Variants in SH3PXD2B observed in about 807,000 individuals in gnomAD.
The protein encoded by SH3PXD2B is SH3 and PX domains 2B.
SH3PXD2B carries 37 observed loss-of-function variants against 73.1 expected under a neutral mutation model. The observed-to-expected ratio is 0.51, with a 90% CI of 0.39 to 0.67. The LOEUF is 0.67. SH3PXD2B is among the 30% of genes least tolerant of loss of function. The pLI is 0.00. For synonymous variants in SH3PXD2B, 457 were observed against 480.5 expected, an observed-to-expected ratio of 0.95 and a Z score of 0.64; for missense variants, 1,053 against 1,197.8, an observed-to-expected ratio of 0.88 and a Z score of 1.78.
intron 8 of SH3PXD2B, among the ~76,000 whole-genome samples, chr5:172,358,145 G>C (rs1294405619): frequency 6.6e-6 from 1 of 152,230 alleles, no homozygotes; most frequent in Non-Finnish European, 1.5e-5. Context: ...TTAAAATTCA[G>C]GTGTGTCTGA....
In SH3PXD2B at chr5:172,418,803, C is replaced by T. The variant is rs186185211; in HGVS notation, c.156+3613G>A. Among the ~76,000 whole-genome samples the T allele has an allele frequency of 1.6e-3, 246 of 152,302 alleles. 1 individual carries two copies. Among genetic ancestry groups the T allele is most frequent in the African/African-American group, 5.1e-3 (211 of 41,556 alleles). On this transcript the variant is annotated intron_variant, in intron 2 of 12. Transcript: ENST00000311601. ...TTTGTTACAGGAGGGAAGCCTGTCACGGCAACCCCCCAGTTATTACCGATT... is the reference window on the plus strand; with the variant it reads ...TTTGTTACAGGAGGGAAGCCTGTCATGGCAACCCCCCAGTTATTACCGATT...
intron 8 of SH3PXD2B, among the ~76,000 whole-genome samples, chr5:172,355,786 C>T (rs137877417): frequency 2.0e-5 from 3 of 151,994 alleles, no homozygotes; most frequent in Non-Finnish European, 2.9e-5. Context: ...CCTCGTGATC[C>T]GCCCGCCTCG....
intron 12 of SH3PXD2B, among the ~76,000 whole-genome samples, chr5:172,343,235 C>T (rs773687088): frequency 4.6e-5 from 7 of 152,160 alleles, no homozygotes; most frequent in Non-Finnish European, 8.8e-5. Flanking sequence ...ATCTTATCAA[C>T]GCTTGATAGC....
chr5:172,339,803 G>A lies in SH3PXD2B; in HGVS notation c.1302C>T (p.Pro434=). The change falls in exon 13 of 13, where the codon CCC becomes CCT. Residue 434 remains proline (P), a synonymous_variant. Transcript: ENST00000311601. The surrounding 1 kb of genome is among the most constrained non-coding windows in gnomAD (Gnocchi z 6.1). ...CGTGGGGCAGGGGAGCCAGAAAGTT[G>A]GGTCTCGACGCGTTGCTCGTCTTCT... The part of the protein sequence containing the change: ...KYKKTSNASR[P]NFLAPLPHEV... 6.2e-7 allele frequency: 1 copy of A among 1,613,372 alleles called. No individual in the cohort carries two copies. Among genetic ancestry groups the A allele is most frequent in the African/African-American group, 1.3e-5 (1 of 75,030 alleles).
intron 6 of SH3PXD2B, among the ~76,000 whole-genome samples, chr5:172,365,333 G>C (rs376793305): frequency 1.1e-4 from 16 of 152,336 alleles, no homozygotes; most frequent in Admixed American, 2.0e-4. Flanking sequence ...GGAACACAGA[G>C]GCTCAGAGAT....
At chr5:172,351,700 G>C (rs983341500) in intron 9 of SH3PXD2B, among the ~76,000 whole-genome samples, 4 of 152,020 alleles carry the variant, frequency 2.6e-5, no homozygotes, top group Non-Finnish European at 5.9e-5. Context: ...TTTGGGGAAA[G>C]TTGAACAGAC....
chr5:172,398,271 TTG>T (rs1758350929), intron 3 of SH3PXD2B, among the ~76,000 whole-genome samples: 1 of 152,256 alleles, frequency 6.6e-6, no homozygotes, highest in Non-Finnish European at 1.5e-5. Context: ...ATCTTAAAGA[TTG>T]TTTTTTTCAT....
intron 6 of SH3PXD2B, among the ~76,000 whole-genome samples, chr5:172,366,932 A>ATCTTTTTTTT (rs1757540616): frequency 1.3e-5 from 1 of 75,094 alleles, no homozygotes; most frequent in African/African-American, 5.1e-5. Flanking sequence ...GTGCCCGGCC[A>ATCTTTTTTTT]TTTTTTTTTT....
chr5:172,414,929 G>A (rs1758786637), intron 2 of SH3PXD2B, among the ~76,000 whole-genome samples: 1 of 152,192 alleles, frequency 6.6e-6, no homozygotes, highest in South Asian at 2.1e-4. Context: ...CCCATTCGGT[G>A]GAGGGGCCAC....
chr5:172,339,263 G>GGGCC lies in SH3PXD2B; in HGVS notation c.1838_1841dup (p.Ile615AlafsTer8), dbSNP rs779390840. Reference sequence around the variant, plus strand: ...GCAGGTCAGTTTTGGATTTGGAGATGGGCCGGAGGTTGGGCTTCTTCACTT... The same window carrying GGGCC: ...GCAGGTCAGTTTTGGATTTGGAGATGGGCCGGCCGGAGGTTGGGCTTCTTCACTT... On this transcript the variant is annotated frameshift_variant, in exon 13 of 13. Transcript: ENST00000311601. LOFTEE classifies it high-confidence loss of function. The surrounding 1 kb of genome is among the most constrained non-coding windows in gnomAD (Gnocchi z 6.1). 6.2e-7 allele frequency: 1 copy of GGGCC among 1,614,218 alleles called. No homozygotes were observed. Among genetic ancestry groups the GGGCC allele is most frequent in the South Asian group, 1.1e-5 (1 of 91,084 alleles).
downstream of SH3PXD2B, among the ~76,000 whole-genome samples, chr5:172,330,113 T>G (rs1756528399): frequency 6.6e-6 from 1 of 152,232 alleles, no homozygotes; most frequent in Non-Finnish European, 1.5e-5. Flanking sequence ...GGTTGAGCTC[T>G]CCTAATCAAA....
At chr5:172,439,686 GCGCGCGCACA>G (rs1263678275) in intron 1 of SH3PXD2B, among the ~76,000 whole-genome samples, 1 of 87,072 alleles carries the variant, frequency 1.1e-5, no homozygotes, top group South Asian at 4.9e-4. Context: ...GTGCGCGCAC[GCGCGCGCACA>G]CACACACACA....
At chr5:172,369,985 A>G (rs1285157583) in intron 6 of SH3PXD2B, among the ~76,000 whole-genome samples, 1 of 152,186 alleles carries the variant, frequency 6.6e-6, no homozygotes, top group Non-Finnish European at 1.5e-5. Flanking sequence ...TTAAGCACCT[A>G]GTAGGTGTTT....
In SH3PXD2B at chr5:172,353,230, C is replaced by T. The variant is rs960450778; in HGVS notation, c.785+658G>A. Among the ~76,000 whole-genome samples, 3 of 152,214 alleles carry T rather than the reference C, an allele frequency of 2.0e-5. No individual in the cohort carries two copies. The highest frequency in any genetic ancestry group is 4.4e-5 in the Non-Finnish European group (3 of 68,046). ...CCGAATGTCCCGCCACACATCACAG[C>T]GCAGACACTAGATTGCAGGGACCTC... On this transcript the variant is annotated intron_variant, in intron 9 of 12. Transcript: ENST00000311601. The surrounding 1 kb of genome is among the most constrained non-coding windows in gnomAD (Gnocchi z 4.3).
chr5:172,348,665 A>ATCTG lies in SH3PXD2B; in HGVS notation c.1013-1334_1013-1333insCAGA, dbSNP rs1408498831. Among the ~76,000 whole-genome samples, 228 of 41,366 alleles carry ATCTG rather than the reference A, an allele frequency of 5.5e-3. 3 individuals are homozygous for ATCTG. Among genetic ancestry groups the ATCTG allele is most frequent in the African/African-American group, 0.015 (220 of 14,292 alleles). The allele number at this position is 41,366 out of a possible 152,430, so 27.1% of individuals were successfully genotyped here. On this transcript the variant is annotated intron_variant, in intron 10 of 12. Transcript: ENST00000311601. ...ATCTATCTATCTATCCTATCTATCT[A>ATCTG]TCTATCTATCTATCTATCTATCTAT...
chr5:172,355,834 G>A (rs1034454851), intron 8 of SH3PXD2B, among the ~76,000 whole-genome samples: 10 of 152,082 alleles, frequency 6.6e-5, no homozygotes, highest in African/African-American at 1.4e-4. Context: ...GTGAGCCAGC[G>A]CGCCCAGCCA....
In SH3PXD2B at chr5:172,404,759, A is replaced by G. The variant is rs116332921; in HGVS notation, c.232+1518T>C. Among the ~76,000 whole-genome samples, 371 of 152,318 alleles carry G rather than the reference A, an allele frequency of 2.4e-3. 1 individual carries two copies. Among genetic ancestry groups the G allele is most frequent in the African/African-American group, 8.6e-3 (356 of 41,574 alleles). ...ATCATAACAACTTCATCATTTTAGT[A>G]CCATCATTATCTCCAATTTGCAAAT... is the stretch of plus-strand genomic sequence containing the variant. On this transcript the variant is annotated intron_variant, in intron 3 of 12. Transcript: ENST00000311601.
At position 172,350,452 on chromosome 5, in the gene SH3PXD2B, T is replaced by C; in HGVS notation, c.923A>G (p.Asn308Ser). The C allele has an allele frequency of 6.2e-7, 1 of 1,614,140 alleles. No individual in the cohort carries two copies. Among genetic ancestry groups the C allele is most frequent in the Middle Eastern group, 1.7e-4 (1 of 6,042 alleles). Residue 308 changes from asparagine to serine, a missense_variant, in exon 10 of 13, where the codon AAC becomes AGC. Transcript: ENST00000311601. ...LDLDGVSRQQ[N>S]AVGREKELLS... ...CAGCTCCTTCTCCCTGCCCACCGCGTTCTGCTGCCGGGAAACACCATCCAA... is the reference window on the plus strand; with the variant it reads ...CAGCTCCTTCTCCCTGCCCACCGCGCTCTGCTGCCGGGAAACACCATCCAA...
chr5:172,368,544 T>TATATATATATTATATATATATATATA (rs1757600116), intron 6 of SH3PXD2B, among the ~76,000 whole-genome samples: 1 of 18,542 alleles, frequency 5.4e-5, no homozygotes, highest in Non-Finnish European at 7.7e-5. Flanking sequence ...ATATATAAAA[T>TATATATATATTATATATATATATATA]ATATATATAT....
Sources: gnomAD v4.1 joint callset for allele counts (sites outside exome capture counted in the v4.1 genomes callset) on GRCh38, gnomAD v4.1.1 for gene constraint, Gnocchi (gnomAD v3.1) non-coding constraint, MANE v1.5 for transcripts, NCBI Gene and HGNC (gene_info 2026-07-23, HGNC 2026-07-21) for gene names.